BDH1: variants seen among roughly 807,000 people sequenced by gnomAD.
BDH1 encodes the protein D-beta-hydroxybutyrate dehydrogenase, mitochondrial.
In BDH1, 30 loss-of-function variants were observed where a neutral mutation model predicts 33.1. The observed-to-expected ratio is 0.91, with a 90% CI of 0.68 to 1.23. BDH1 has a LOEUF of 1.23. Ranked by LOEUF, BDH1 falls within the 50% of genes most tolerant of loss-of-function variation. The pLI, the probability that BDH1 is intolerant of heterozygous loss-of-function variation, is 0.00. For missense variants in BDH1, 443 were observed against 464.4 expected (o/e 0.95, Z 0.42); for synonymous variants, 190 against 183.6 (o/e 1.03, Z -0.28).
chr3:197,540,665 TAAAAC>T (rs1715538258), intron 3 of BDH1, among the ~76,000 whole-genome samples: 1 of 151,996 alleles, frequency 6.6e-6, no homozygotes, highest in African/African-American at 2.4e-5. Context: ...AGACCTGTCT[TAAAAC>T]AAAAACAAAA....
intron 3 of BDH1, among the ~76,000 whole-genome samples, chr3:197,535,072 T>A (rs187893057): frequency 2.6e-4 from 39 of 152,306 alleles, no homozygotes; most frequent in African/African-American, 7.5e-4. Flanking sequence ...ATAAAGACAC[T>A]AATCCCATCC....
intron 3 of BDH1, chr3:197,543,033 G>A: frequency 2.0e-6 from 2 of 985,450 alleles, no homozygotes; most frequent in South Asian, 9.4e-5. Context: ...ATGCTGGCCA[G>A]GGCGTTCATT....
rs1713390409 is a variant in BDH1, at chr3:197,520,233, C to T, written c.409+2407G>A. ...GCAGGAGATGGGGGACACGCCACTG[C>T]ATATCTGACGGATGTACTGTTTTCT... On this transcript the variant is annotated intron_variant, in intron 6 of 7. Coordinates refer to ENST00000392379, the MANE Select transcript of BDH1 (RefSeq NM_203314.3). This position sits in a 1 kb window ranked among gnomAD's most constrained non-coding sequence, Gnocchi z 6.0. 6.6e-6 allele frequency among the ~76,000 whole-genome samples: 1 copy of T among 151,850 alleles called. No individual in the cohort carries two copies.
In BDH1 at chr3:197,514,316, C is replaced by G. The variant is rs1337575647; in HGVS notation, c.510G>C (p.Trp170Cys). ...TYKQVAEVNL[W>C]GTVRMTKSFL... ...AGGATTTCGTCATCCGCACTGTGCCCCAAAGGTTCACTTCTGCCACCTGCT... is the reference window on the plus strand; with the variant it reads ...AGGATTTCGTCATCCGCACTGTGCCGCAAAGGTTCACTTCTGCCACCTGCT... The change falls in exon 7 of 8, where the codon TGG becomes TGC. Residue 170 changes from tryptophan to cysteine, a missense_variant. Trp to Cys is a radical substitution (Grantham distance 215). Coordinates refer to ENST00000392379, the MANE Select transcript of BDH1 (RefSeq NM_203314.3). This position sits in a 1 kb window ranked among gnomAD's most constrained non-coding sequence, Gnocchi z 4.2. 1.9e-6 allele frequency: 3 copies of G among 1,613,932 alleles called. No homozygotes were observed. Among genetic ancestry groups the G allele is most frequent in the Admixed American group, 3.3e-5 (2 of 59,990 alleles).
Position 197,510,143 on chromosome 3 carries a change from C to G in BDH1, c.*1752G>C, listed in dbSNP as rs984805013. The G allele has an allele frequency of 6.6e-6, 1 of 152,340 alleles. No homozygotes were observed. Among genetic ancestry groups the G allele is most frequent in the Non-Finnish European group, 1.5e-5 (1 of 68,104 alleles). 9.4% of individuals were successfully genotyped at this position (152,340 alleles called of 1,614,324 possible). ...TCTGCCTTCTCCTGGCACCAGCCTCCGGGCCCGGGCCAGCTGCTAGGAGAG... is the reference window on the plus strand; with the variant it reads ...TCTGCCTTCTCCTGGCACCAGCCTCGGGGCCCGGGCCAGCTGCTAGGAGAG... On this transcript the variant is annotated 3_prime_UTR_variant, in exon 8 of 8. Transcript: ENST00000392379.
intron 2 of BDH1, among the ~76,000 whole-genome samples, chr3:197,548,904 G>A (rs1716327094): frequency 6.6e-6 from 1 of 152,042 alleles, no homozygotes; most frequent in African/African-American, 2.4e-5. Flanking sequence ...TCAGTCCCTT[G>A]AACAATGCAC....
chr3:197,552,805 G>C (rs1716677901), intron 2 of BDH1, among the ~76,000 whole-genome samples: 1 of 151,626 alleles, frequency 6.6e-6, no homozygotes, highest in African/African-American at 2.4e-5. Flanking sequence ...GTTTGTTGTT[G>C]TTCAGTCTCA....
chr3:197,512,038 G>C lies in BDH1; in HGVS notation c.889C>G (p.Pro297Ala), dbSNP rs778095243. 1.2e-6 allele frequency: 2 copies of C among 1,614,182 alleles called. No individual in the cohort carries two copies. The highest frequency in any genetic ancestry group is 8.5e-7 in the Non-Finnish European group (1 of 1,180,034). The change falls in exon 8 of 8, where the codon CCT becomes GCT. Residue 297 changes from proline to alanine, a missense_variant. By Grantham distance (27) the Pro-to-Ala change is conservative. Transcript: ENST00000392379. The stretch of plus-strand genomic sequence containing the variant: ...GCGTGTGTGACAGCATCGATGACAG[G>C]GGACGTGTCTGTGGAGCCACTGCTG... ...YCSSGSTDTS[P>A]VIDAVTHALT...
intron 1 of BDH1, among the ~76,000 whole-genome samples, chr3:197,569,627 A>T (rs1452935383): frequency 6.6e-6 from 1 of 152,186 alleles, no homozygotes; most frequent in Non-Finnish European, 1.5e-5. Context: ...GGTAGTGAAT[A>T]AAAACTGATG....
intron 3 of BDH1, among the ~76,000 whole-genome samples, chr3:197,544,403 T>A (rs895853448): frequency 1.3e-5 from 2 of 152,190 alleles, no homozygotes; most frequent in Non-Finnish European, 2.9e-5. Flanking sequence ...TTTCCTTACA[T>A]TTAAGAACAA....
chr3:197,560,045 A>G (rs1205204798), upstream of BDH1, among the ~76,000 whole-genome samples: 2 of 152,224 alleles, frequency 1.3e-5, no homozygotes, highest in East Asian at 3.8e-4. Context: ...CACTCTCCTC[A>G]ACCCAGGGAG....
intron 1 of BDH1, among the ~76,000 whole-genome samples, chr3:197,565,434 T>G (rs1178364725): frequency 2.6e-5 from 4 of 152,222 alleles, no homozygotes; most frequent in Non-Finnish European, 5.9e-5. Flanking sequence ...TTTTTCTGCT[T>G]GAATTAATCC....
intron 1 of BDH1, among the ~76,000 whole-genome samples, chr3:197,571,041 G>C (rs1717589613): frequency 6.6e-6 from 1 of 152,230 alleles, no homozygotes; most frequent in African/African-American, 2.4e-5. Context: ...CCCACCTCTT[G>C]CATCAGCATG....
rs1385468811 is a variant in BDH1 at position 197,510,542 on chromosome 3, GAAAAGAGGCCGAGGCGA to G, written c.*1336_*1352del. On this transcript the variant is annotated 3_prime_UTR_variant, in exon 8 of 8. Transcript: ENST00000392379. ...CCTCAAGTGGCATCACTTCTTAATTGAAAAGAGGCCGAGGCGAGGCGGGAATGAAGGCCACGCTGAAG... is the reference window on the plus strand; with the variant it reads ...CCTCAAGTGGCATCACTTCTTAATTGGGCGGGAATGAAGGCCACGCTGAAG... 6.6e-6 allele frequency: 1 copy of G among 151,410 alleles called. No homozygotes were observed. The highest frequency in any genetic ancestry group is 1.5e-5 in the Non-Finnish European group (1 of 68,422). 9.4% of individuals were successfully genotyped at this position (151,410 alleles called of 1,614,324 possible).
chr3:197,533,800 C>A (rs941950323), intron 3 of BDH1: 2 of 507,178 alleles, frequency 3.9e-6, no homozygotes, highest in East Asian at 6.1e-5. Context: ...AAAGCCAATT[C>A]TGAAGCTACT....
chr3:197,572,669 T>G (rs1560351000), intron 1 of BDH1, among the ~76,000 whole-genome samples: 1 of 152,284 alleles, frequency 6.6e-6, no homozygotes, highest in East Asian at 1.9e-4. Context: ...CCCACGAGTT[T>G]GAGGCTGCAG....
intron 3 of BDH1, among the ~76,000 whole-genome samples, chr3:197,539,957 G>A (rs941971890): frequency 6.6e-6 from 1 of 152,132 alleles, no homozygotes; most frequent in African/African-American, 2.4e-5. Context: ...TTGATAAACC[G>A]GTTCTGTCTA....
rs555907113 is a variant in BDH1, at chr3:197,514,867, G to A, written c.410-451C>T. On this transcript the variant is annotated intron_variant, in intron 6 of 7. Transcript: ENST00000392379. This position sits in a 1 kb window ranked among gnomAD's most constrained non-coding sequence, Gnocchi z 4.2. ...CTTGCCAGAAGCCAGGGAAATCACA[G>A]GGGAGGTGGGCACGAGGAGGCAGCT... is the stretch of plus-strand genomic sequence containing the variant. Among the ~76,000 whole-genome samples, 5 of 152,340 alleles carry A rather than the reference G, an allele frequency of 3.3e-5. No homozygotes were observed. Among genetic ancestry groups the A allele is most frequent in the Admixed American group, 1.3e-4 (2 of 15,306 alleles).
chr3:197,550,645 C>T (rs1260013322), intron 2 of BDH1, among the ~76,000 whole-genome samples: 2 of 152,088 alleles, frequency 1.3e-5, no homozygotes. Flanking sequence ...TGGAGGACGG[C>T]AGCTACACTC....
Sources: allele counts gnomAD v4.1 joint callset (sites outside exome capture counted in the v4.1 genomes callset), GRCh38; gene constraint gnomAD v4.1.1; non-coding constraint Gnocchi (gnomAD v3.1); transcripts MANE v1.5; gene names NCBI Gene and HGNC (gene_info 2026-07-23, HGNC 2026-07-21).